Variants in VPS26C observed in about 807,000 individuals in gnomAD.
The protein encoded by VPS26C is vacuolar protein sorting-associated protein 26C.
VPS26C carries 19 observed loss-of-function variants against 30.6 expected under a neutral mutation model. The observed-to-expected ratio is 0.62, with a 90% CI of 0.43 to 0.91. VPS26C has a LOEUF of 0.91. VPS26C is among the 40% of genes least tolerant of loss of function. The probability of loss-of-function intolerance (pLI) is 0.00; values close to 1 mark genes in which losing one functional copy is unlikely to be tolerated. For missense variants in VPS26C, 318 were observed against 385.1 expected, an observed-to-expected ratio of 0.83 and a Z score of 1.46; for synonymous variants, 132 against 151.5, an observed-to-expected ratio of 0.87 and a Z score of 0.95.
chr21:37,225,888 C>A, intron 7 of VPS26C: 1 of 529,150 alleles, frequency 1.9e-6, no homozygotes, highest in South Asian at 2.5e-5. Flanking sequence ...GATCAGGCTT[C>A]ACCAACTACA....
chr21:37,249,707 G>A (rs1216152573), intron 1 of VPS26C, among the ~76,000 whole-genome samples: 1 of 152,156 alleles, frequency 6.6e-6, no homozygotes, highest in African/African-American at 2.4e-5. Flanking sequence ...TTGAGGGGGA[G>A]ATGGCGGGAG....
In VPS26C at chr21:37,257,967, T is replaced by A. The variant is rs947528895; in HGVS notation, c.57+9271A>T. Among the ~76,000 whole-genome samples, 1 of 146,920 alleles carries A rather than the reference T, an allele frequency of 6.8e-6. No individual in the cohort carries two copies. Among genetic ancestry groups the A allele is most frequent in the Non-Finnish European group, 1.5e-5 (1 of 68,020 alleles). ...GCCGGCAGCGCCCACCAGCCTGCGC[T>A]GCGCTGCACATGGTACCCGCGGCCC... is the stretch of plus-strand genomic sequence containing the variant. On this transcript the variant is annotated intron_variant, in intron 1 of 7. Coordinates refer to ENST00000309117, the MANE Select transcript of VPS26C (RefSeq NM_006052.2). The surrounding 1 kb of genome is among the most constrained non-coding windows in gnomAD (Gnocchi z 4.2).
In VPS26C at chr21:37,225,578, G is replaced by A. The variant is rs997338537; in HGVS notation, c.860C>T (p.Thr287Met). 9.9e-6 allele frequency: 16 copies of A among 1,613,994 alleles called. No individual in the cohort carries two copies. The highest frequency in any genetic ancestry group is 2.7e-5 in the African/African-American group (2 of 74,926). ...VVLLHPDHLI[T>M]ENFPLKLCRI is the part of the protein sequence containing the mutation. Reference sequence around the variant, plus strand: ...GCAGAGCTTCAGCGGGAAGTTCTCCGTGATGAGGTGGTCAGGGTGAAGCAG... The same window carrying A: ...GCAGAGCTTCAGCGGGAAGTTCTCCATGATGAGGTGGTCAGGGTGAAGCAG... Residue 287 changes from threonine (T) to methionine (M), a missense_variant, in exon 8 of 8, where the codon ACG (threonine) becomes ATG (methionine). Physicochemically the swap from Thr to Met is moderately conservative, Grantham distance 81. Coordinates refer to ENST00000309117, the MANE Select transcript of VPS26C (RefSeq NM_006052.2).
rs948797306 is a variant in VPS26C, at chr21:37,233,810, T to A, written c.352-368A>T. On this transcript the variant is annotated intron_variant, in intron 3 of 7. Transcript: ENST00000309117. The surrounding 1 kb of genome is among the most constrained non-coding windows in gnomAD (Gnocchi z 5.2). The stretch of plus-strand genomic sequence containing the variant: ...GGCCAGATCCCGTTGTTGTCTGCCT[T>A]ACTGTGCGAGCCCAGACAGATAACA... Among the ~76,000 whole-genome samples the A allele has an allele frequency of 1.3e-5, 2 of 152,162 alleles. No individual in the cohort carries two copies. Among genetic ancestry groups the A allele is most frequent in the African/African-American group, 4.8e-5 (2 of 41,450 alleles).
chr21:37,239,073 G>C (rs1486623731), intron 2 of VPS26C, among the ~76,000 whole-genome samples: 1 of 152,122 alleles, frequency 6.6e-6, no homozygotes, highest in Non-Finnish European at 1.5e-5. Context: ...TGCTGCAGCC[G>C]CTCAGGGAGA....
chr21:37,244,449 G>T (rs1282161485), intron 1 of VPS26C, among the ~76,000 whole-genome samples: 7 of 152,154 alleles, frequency 4.6e-5, no homozygotes, highest in African/African-American at 1.7e-4. Flanking sequence ...GGTCAGGCTG[G>T]TCTCGAACTC....
intron 7 of VPS26C, 117 bp downstream of exon 7, chr21:37,227,537 C>T (rs113566796): frequency 0.011 from 13,566 of 1,205,280 alleles, 127 homozygotes; most frequent in East Asian, 0.022. Flanking sequence ...TGTGGCAGGC[C>T]CTGGCACTGA....
chr21:37,268,093 C>T (rs1602296484), upstream of VPS26C: 1 of 152,410 alleles, frequency 6.6e-6, no homozygotes, highest in African/African-American at 2.4e-5. Context: ...GCTGGGTCAC[C>T]CGCCAGCCGG....
At chr21:37,248,592 GA>G (rs1206682157) in intron 1 of VPS26C, among the ~76,000 whole-genome samples, 2 of 151,070 alleles carry the variant, frequency 1.3e-5, no homozygotes, top group Admixed American at 1.3e-4. Flanking sequence ...AATCATCATA[GA>G]AAAAATAAAG....
rs2086260591 is a variant in VPS26C at position 37,257,922 on chromosome 21, G to T, written c.57+9316C>A. Among the ~76,000 whole-genome samples, 1 of 148,258 alleles carries T rather than the reference G, an allele frequency of 6.7e-6. No homozygotes were observed. The highest frequency in any genetic ancestry group is 2.7e-5 in the African/African-American group (1 of 37,700). ...GGGCCACGAGGCAGGGGACAGTGAA[G>T]CACCATGCAGCGCCCACCAGCCGGC... On this transcript the variant is annotated intron_variant, in intron 1 of 7. Transcript: ENST00000309117. The surrounding 1 kb of genome is among the most constrained non-coding windows in gnomAD (Gnocchi z 4.2).
At chr21:37,225,783 G>A in intron 7 of VPS26C, 157 bp from the exon 8 acceptor site, 1 of 536,962 alleles carries the variant, frequency 1.9e-6, no homozygotes, top group East Asian at 3.2e-5. Context: ...TGACCTTTCA[G>A]CCAAACTTTC....
rs189976781 is a variant in VPS26C at position 37,233,463 on chromosome 21, A to G, written c.352-21T>C. ...GTATACTAAAGGGGAGAGTTGGAGG[A>G]AAAAAGTTCATTTTAGTGGGATTTG... On this transcript the variant is annotated intron_variant, in intron 3 of 7. Transcript: ENST00000309117. This position sits in a 1 kb window ranked among gnomAD's most constrained non-coding sequence, Gnocchi z 5.2. The G allele has an allele frequency of 4.4e-6, 7 of 1,587,852 alleles. No individual in the cohort carries two copies. In the East Asian group the frequency reaches 6.7e-5, roughly 15 times the overall value.
intron 1 of VPS26C, among the ~76,000 whole-genome samples, chr21:37,258,122 A>C (rs536598465): frequency 6.6e-6 from 1 of 152,382 alleles, no homozygotes; most frequent in African/African-American, 2.4e-5. Flanking sequence ...ATCTGCCTGC[A>C]GCCAGCAGAA....
chr21:37,249,034 A>T (rs372599040), intron 1 of VPS26C, among the ~76,000 whole-genome samples: 1 of 152,192 alleles, frequency 6.6e-6, no homozygotes, highest in Admixed American at 6.5e-5. Context: ...AGGCATTTGA[A>T]AAAATTTATG....
chr21:37,230,142 C>T (rs193192544), intron 5 of VPS26C, among the ~76,000 whole-genome samples: 2 of 152,284 alleles, frequency 1.3e-5, no homozygotes, highest in Admixed American at 6.5e-5. Context: ...GGTGGGATTC[C>T]AGGCATGATC....
At chr21:37,237,391 A>AT (rs1457169445) in intron 3 of VPS26C, 1 of 152,218 alleles carries the variant, frequency 6.6e-6, no homozygotes, top group African/African-American at 2.4e-5. Flanking sequence ...CCAAAAAGGC[A>AT]TTTTTCATTC....
intron 1 of VPS26C, among the ~76,000 whole-genome samples, chr21:37,246,617 G>A (rs190234063): frequency 1.3e-5 from 2 of 152,280 alleles, no homozygotes; most frequent in Admixed American, 1.3e-4. Context: ...AATGAAAGAA[G>A]AGAATGCAAA....
intron 1 of VPS26C, among the ~76,000 whole-genome samples, chr21:37,258,741 G>C (rs765685266): frequency 1.2e-4 from 19 of 152,248 alleles, no homozygotes; most frequent in Middle Eastern, 3.4e-3. Flanking sequence ...CTAGCAAGCA[G>C]CTTGCAGGGG....
rs2085874533 is a variant in VPS26C at position 37,224,036 on chromosome 21, A to T, written c.*1508T>A. The stretch of plus-strand genomic sequence containing the variant: ...GGAAATGCTGGCTTTAGGCCAAAAA[A>T]CCCTGGCTCAAAACAGCTTCCTCCA... On this transcript the variant is annotated 3_prime_UTR_variant, in exon 8 of 8. Transcript: ENST00000309117. 6.6e-6 allele frequency: 1 copy of T among 152,106 alleles called. No homozygotes were observed. The highest frequency in any genetic ancestry group is 1.5e-5 in the Non-Finnish European group (1 of 68,026). 9.4% of individuals were successfully genotyped at this position (152,106 alleles called of 1,614,324 possible).
Sources: gnomAD v4.1 joint callset for allele counts (sites outside exome capture counted in the v4.1 genomes callset) on GRCh38, gnomAD v4.1.1 for gene constraint, Gnocchi (gnomAD v3.1) non-coding constraint, MANE v1.5 for transcripts, NCBI Gene and HGNC (gene_info 2026-07-23, HGNC 2026-07-21) for gene names.